The following PLA2G4A variants were observed in gnomAD, a reference collection of about 807,000 sequenced individuals.
PLA2G4A encodes cytosolic phospholipase A2.
A neutral mutation model predicts 81.9 loss-of-function variants in PLA2G4A; 40 were observed. The observed-to-expected ratio is 0.49, with a 90% CI of 0.38 to 0.64. The LOEUF (loss-of-function observed/expected upper bound fraction) is 0.64. PLA2G4A is among the 30% of genes least tolerant of loss of function. PLA2G4A has a pLI of 0.00. For missense variants in PLA2G4A, 715 were observed against 905.1 expected (o/e 0.79, Z 2.69); for synonymous variants, 302 against 296.9 (o/e 1.02, Z -0.18).
intron 15 of PLA2G4A, among the ~76,000 whole-genome samples, chr1:186,975,957 A>C (rs1012664070): frequency 6.6e-6 from 1 of 152,134 alleles, no homozygotes; most frequent in Non-Finnish European, 1.5e-5. Context: ...TAAACTCCAA[A>C]TCTTCAAGGA....
At chr1:186,942,259 A>G (rs1202412851) in intron 10 of PLA2G4A, among the ~76,000 whole-genome samples, 1 of 152,116 alleles carries the variant, frequency 6.6e-6, no homozygotes, top group Non-Finnish European at 1.5e-5. Context: ...AGCCATAGCT[A>G]TTATCTTGTG....
intron 13 of PLA2G4A, among the ~76,000 whole-genome samples, chr1:186,952,868 C>G (rs1243081148): frequency 1.3e-5 from 2 of 152,060 alleles, no homozygotes; most frequent in Non-Finnish European, 2.9e-5. Flanking sequence ...TATGTTTTTT[C>G]TTGGCTTCAT....
intron 7 of PLA2G4A, among the ~76,000 whole-genome samples, chr1:186,922,443 C>T (rs1345906974): frequency 1.3e-5 from 2 of 152,184 alleles, no homozygotes. Context: ...AGTGCCAGTT[C>T]CTTCCTGGTG....
intron 7 of PLA2G4A, among the ~76,000 whole-genome samples, chr1:186,926,074 TTGA>T (rs1248731636): frequency 6.6e-6 from 1 of 152,222 alleles, no homozygotes; most frequent in Non-Finnish European, 1.5e-5. Flanking sequence ...GGAGAAGGTT[TTGA>T]TGATATCTTG....
chr1:186,893,153 T>G lies in PLA2G4A; in HGVS notation c.258T>G (p.Val86=), dbSNP rs747289155. 6 of 1,612,332 alleles carry G rather than the reference T, an allele frequency of 3.7e-6. No individual in the cohort carries two copies. The Admixed American group carries it at 1.0e-4, about 27-fold the overall frequency. ...EFILDPNQEN[V]LEITLMDANY... The stretch of plus-strand genomic sequence containing the variant: ...TTTTGGATCCTAATCAGGAAAATGT[T>G]TTGGAGGTAAGTGAACCATTTGGAT... The change falls in exon 4 of 18, where the codon GTT becomes GTG. Residue 86 remains valine (V), a synonymous_variant. Transcript: ENST00000367466.
chr1:186,832,581 C>A (rs1651632386), intron 1 of PLA2G4A, among the ~76,000 whole-genome samples: 1 of 152,170 alleles, frequency 6.6e-6, no homozygotes, highest in Non-Finnish European at 1.5e-5. Context: ...ACAAATCCAA[C>A]AACTTGGATA....
At position 186,870,457 on chromosome 1, in the gene PLA2G4A, A is replaced by G. The variant is rs755901496; in HGVS notation, c.56A>G (p.Lys19Arg). Residue 19 changes from lysine to arginine, a missense_variant, in exon 3 of 18, where the codon AAG becomes AGG. Coordinates refer to ENST00000367466, the MANE Select transcript of PLA2G4A (RefSeq NM_024420.3). Reference sequence around the variant, plus strand: ...CAGGTGGAGCACCAGTATTCCCACAAGTTTACGGTAGTGGTGTTACGTGCC... The same window carrying G: ...CAGGTGGAGCACCAGTATTCCCACAGGTTTACGGTAGTGGTGTTACGTGCC... ...HIIVEHQYSH[K>R]FTVVVLRATK... 6.2e-7 allele frequency: 1 copy of G among 1,608,926 alleles called. No homozygotes were observed. The highest frequency in any genetic ancestry group is 8.5e-7 in the Non-Finnish European group (1 of 1,175,348).
chr1:186,940,896 T>C (rs1024473673), intron 10 of PLA2G4A, among the ~76,000 whole-genome samples: 18 of 152,170 alleles, frequency 1.2e-4, no homozygotes, highest in African/African-American at 4.1e-4. Context: ...TGTATATTTG[T>C]AGTGGTTGAT....
chr1:186,905,698 T>TCA (rs71104895), intron 5 of PLA2G4A, among the ~76,000 whole-genome samples: 91,138 of 148,858 alleles, frequency 0.61, 28,149 homozygotes, highest in East Asian at 0.81. Flanking sequence ...CTCCTCCTCC[T>TCA]CACACACACA....
intron 2 of PLA2G4A, among the ~76,000 whole-genome samples, chr1:186,854,709 G>A (rs1055127738): frequency 5.3e-5 from 8 of 151,868 alleles, no homozygotes; most frequent in Admixed American, 2.6e-4. Flanking sequence ...CACATGAGTT[G>A]GTGGAAAGAA....
chr1:186,864,649 A>ATTT, intron 2 of PLA2G4A, among the ~76,000 whole-genome samples: 1 of 143,984 alleles, frequency 6.9e-6, no homozygotes, highest in Admixed American at 6.8e-5. Flanking sequence ...AAATCAGATT[A>ATTT]TTATTATTAT....
intron 17 of PLA2G4A, among the ~76,000 whole-genome samples, chr1:186,984,066 C>T (rs979057010): frequency 6.6e-6 from 1 of 152,044 alleles, no homozygotes; most frequent in Non-Finnish European, 1.5e-5. Flanking sequence ...GCTTTATTTA[C>T]CTTGTATTCT....
chr1:186,890,960 C>A (rs924289346), intron 3 of PLA2G4A, among the ~76,000 whole-genome samples: 1 of 151,940 alleles, frequency 6.6e-6, no homozygotes, highest in Non-Finnish European at 1.5e-5. Context: ...ATGAGTGCCA[C>A]CCCTTAAAGT....
At chr1:186,856,650 A>T (rs1652564826) in intron 2 of PLA2G4A, among the ~76,000 whole-genome samples, 1 of 152,010 alleles carries the variant, frequency 6.6e-6, no homozygotes, top group Non-Finnish European at 1.5e-5. Flanking sequence ...AAAATATGAA[A>T]AAATTATTTA....
chr1:186,939,048 A>C lies in PLA2G4A; in HGVS notation c.736A>C (p.Lys246Gln), dbSNP rs538038130. The change falls in exon 9 of 18, where the codon AAA becomes CAA. Residue 246 changes from lysine to glutamine, a missense_variant. Coordinates refer to ENST00000367466, the MANE Select transcript of PLA2G4A (RefSeq NM_024420.3). ...TLYSHPDFPEKGPEEINEELM... is the reference protein window; with the variant it reads ...TLYSHPDFPEQGPEEINEELM... Reference sequence around the variant, plus strand: ...GTATTCTCACCCTGATTTTCCAGAGAAAGGGCCAGAGGAGATTAATGAAGA... The same window carrying C: ...GTATTCTCACCCTGATTTTCCAGAGCAAGGGCCAGAGGAGATTAATGAAGA... 122 of 1,610,112 alleles carry C rather than the reference A, an allele frequency of 7.6e-5. 1 individual carries two copies. In the Admixed American group the frequency reaches 1.6e-3, roughly 21 times the overall value.
At chr1:186,968,400 A>ATGTGTGTGTG (rs58475951) in intron 15 of PLA2G4A, among the ~76,000 whole-genome samples, 46,893 of 137,162 alleles carry the variant, frequency 0.34, 9,100 homozygotes, top group Non-Finnish European at 0.43. Context: ...CGCGGTGTGT[A>ATGTGTGTGTG]TGTGTGTGTG....
chr1:186,854,455 G>C, intron 2 of PLA2G4A, 68 bp downstream of exon 2: 1 of 1,000,078 alleles, frequency 1.0e-6, no homozygotes, highest in Admixed American at 1.7e-5. Context: ...AATATTGCGG[G>C]TGTTGCTAGT....
chr1:186,890,517 C>T (rs150617338), intron 3 of PLA2G4A, among the ~76,000 whole-genome samples: 108 of 149,572 alleles, frequency 7.2e-4, no homozygotes, highest in South Asian at 1.7e-3. Context: ...TCAGTGGGCA[C>T]ACATATCATA....
intron 3 of PLA2G4A, among the ~76,000 whole-genome samples, chr1:186,875,472 C>T (rs975685588): frequency 6.6e-6 from 1 of 151,802 alleles, no homozygotes; most frequent in Non-Finnish European, 1.5e-5. Context: ...GATTACAAGC[C>T]ATGAGAAAAC....
Sources: allele counts gnomAD v4.1 joint callset (sites outside exome capture counted in the v4.1 genomes callset), GRCh38; gene constraint gnomAD v4.1.1; transcripts MANE v1.5; gene names NCBI Gene and HGNC (gene_info 2026-07-23, HGNC 2026-07-21).